MDGA2: variants seen among roughly 807,000 people sequenced by gnomAD.
MDGA2 encodes the protein MAM domain-containing glycosylphosphatidylinositol anchor protein 2.
In MDGA2, 40 loss-of-function variants were observed where a neutral mutation model predicts 117.8. The observed-to-expected ratio is 0.34, with a 90% CI of 0.26 to 0.44. The LOEUF (loss-of-function observed/expected upper bound fraction) is 0.44, where lower values mean the gene tolerates loss of function less well. Among genes scored for constraint, MDGA2 ranks in the 20% least tolerant of loss-of-function variants. The pLI is 1.00. For missense variants in MDGA2, 1,123 were observed against 1,250.6 expected (o/e 0.90, Z 1.54); for synonymous variants, 452 against 439.0 (o/e 1.03, Z -0.37).
At chr14:46,988,763 T>G (rs1246778382) in intron 8 of MDGA2, among the ~76,000 whole-genome samples, 1 of 152,082 alleles carries the variant, frequency 6.6e-6, no homozygotes, top group African/African-American at 2.4e-5. Flanking sequence ...AAATTTGTGT[T>G]CTATAATGAT....
At chr14:47,001,846 T>C (rs1400252728) in intron 8 of MDGA2, among the ~76,000 whole-genome samples, 2 of 152,000 alleles carry the variant, frequency 1.3e-5, no homozygotes, top group Non-Finnish European at 2.9e-5. Context: ...GTAGCAGCAG[T>C]GGTGGTATAT....
intron 9 of MDGA2, among the ~76,000 whole-genome samples, chr14:46,944,317 G>A (rs945533090): frequency 5.3e-5 from 8 of 151,778 alleles, no homozygotes; most frequent in African/African-American, 1.9e-4. Context: ...AAGCTGTATT[G>A]TTTCTAATGA....
At chr14:46,873,384 T>C in intron 14 of MDGA2, 49 bp downstream of exon 14, 1 of 1,503,550 alleles carries the variant, frequency 6.7e-7, no homozygotes, top group South Asian at 1.4e-5. Flanking sequence ...ACCTTTTTCT[T>C]CTTAGTTATC....
intron 1 of MDGA2, among the ~76,000 whole-genome samples, chr14:47,323,974 G>A (rs935667774): frequency 3.3e-5 from 5 of 152,110 alleles, no homozygotes; most frequent in African/African-American, 7.2e-5. Flanking sequence ...GGCCAGGCGT[G>A]GTGGCTCACG....
At chr14:47,284,595 C>T (rs1474271800) in intron 2 of MDGA2, among the ~76,000 whole-genome samples, 1 of 152,122 alleles carries the variant, frequency 6.6e-6, no homozygotes, top group Non-Finnish European at 1.5e-5. Flanking sequence ...ATTTCTCAAA[C>T]ATAATGAGAA....
Position 47,343,291 on chromosome 14 carries a change from A to G in MDGA2, c.281-41741T>C, listed in dbSNP as rs1755989492. 7 of 1,123,326 alleles carry G rather than the reference A, an allele frequency of 6.2e-6. No homozygotes were observed. In the South Asian group the frequency reaches 1.4e-4, roughly 22 times the overall value. 69.6% of individuals were successfully genotyped at this position (1,123,326 alleles called of 1,614,324 possible). ...TTACATCAGGAAGGCAATGTTAACT[A>G]AGTTCTAAGTAGTAATGAGACGCTG... On this transcript the variant is annotated intron_variant, in intron 1 of 16. Transcript: ENST00000399232.
In MDGA2 at chr14:47,061,182, T is replaced by A. The variant is rs556400647; in HGVS notation, c.1525+67A>T. 1.8e-4 allele frequency: 252 copies of A among 1,406,542 alleles called. 3 individuals carry two copies. In the South Asian group the frequency reaches 2.5e-3, roughly 14 times the overall value. The allele number at this position is 1,406,542 out of a possible 1,614,324, so 87.1% of individuals were successfully genotyped here. On this transcript the variant is annotated intron_variant, in intron 7 of 16. Coordinates refer to ENST00000399232, the MANE Select transcript of MDGA2 (RefSeq NM_001113498.3). ...AAAAATATTTTTAACTAAAACCTACTTGATCTGTTAAACTTCAATCATTCT... is the reference window on the plus strand; with the variant it reads ...AAAAATATTTTTAACTAAAACCTACATGATCTGTTAAACTTCAATCATTCT...
chr14:46,949,570 C>T (rs1470286237), intron 9 of MDGA2, among the ~76,000 whole-genome samples: 1 of 151,568 alleles, frequency 6.6e-6, no homozygotes, highest in Non-Finnish European at 1.5e-5. Flanking sequence ...CATGTGTATC[C>T]ATTGTTTAGG....
intron 1 of MDGA2, among the ~76,000 whole-genome samples, chr14:47,326,187 G>A (rs546297682): frequency 6.6e-6 from 1 of 152,212 alleles, no homozygotes; most frequent in African/African-American, 2.4e-5. Flanking sequence ...ATATCTGCAA[G>A]TCATTTAGAC....
chr14:47,375,053 C>T (rs921383796), intron 1 of MDGA2, among the ~76,000 whole-genome samples: 1 of 151,642 alleles, frequency 6.6e-6, no homozygotes, highest in Non-Finnish European at 1.5e-5. Context: ...TAAGCATTTA[C>T]TTGGTTACTT....
chr14:47,465,089 A>G (rs575983739), intron 1 of MDGA2, among the ~76,000 whole-genome samples: 1 of 152,238 alleles, frequency 6.6e-6, no homozygotes, highest in African/African-American at 2.4e-5. Context: ...CTGACAGAAA[A>G]AAGTGGAGAA....
Position 47,574,410 on chromosome 14 carries a change from C to T in MDGA2, c.280+100107G>A, listed in dbSNP as rs76752524. ...GCAACGGAACTTTCATATGCTTTGT[C>T]CCTGGCTTCCCTTATATTCAGCCAC... On this transcript the variant is annotated intron_variant, in intron 1 of 16. Transcript: ENST00000399232. 5.2e-3 allele frequency among the ~76,000 whole-genome samples: 789 copies of T among 152,266 alleles called. 8 individuals carry two copies. Among genetic ancestry groups the T allele is most frequent in the African/African-American group, 0.018 (734 of 41,560 alleles).
chr14:47,171,978 T>G (rs1884163748), intron 3 of MDGA2, among the ~76,000 whole-genome samples: 1 of 152,046 alleles, frequency 6.6e-6, no homozygotes, highest in Non-Finnish European at 1.5e-5. Context: ...TAAAAAACGG[T>G]GCACCAGGAG....
chr14:47,301,350 CTT>C, intron 2 of MDGA2, 59 bp downstream of exon 2: 1 of 1,527,800 alleles, frequency 6.5e-7, no homozygotes, highest in East Asian at 2.5e-5. Context: ...AAAATATACA[CTT>C]TTTGACTTCT....
At chr14:47,208,517 C>A (rs941769948) in intron 3 of MDGA2, among the ~76,000 whole-genome samples, 2 of 138,886 alleles carry the variant, frequency 1.4e-5, no homozygotes, top group African/African-American at 5.5e-5. Flanking sequence ...AAATTATATT[C>A]CTTCTCTAAA....
At chr14:47,451,987 C>T (rs1052543341) in intron 1 of MDGA2, among the ~76,000 whole-genome samples, 1 of 151,862 alleles carries the variant, frequency 6.6e-6, no homozygotes, top group Non-Finnish European at 1.5e-5. Context: ...TTGAGGGATG[C>T]CATTATGGAA....
Position 46,841,874 on chromosome 14 carries a change from G to T in MDGA2, c.*57C>A. ...TGTTTGTTCAATGTCCATTTACAAA[G>T]ACTCTTTCTTCATGCCAGTGCCTGG... On this transcript the variant is annotated 3_prime_UTR_variant, in exon 17 of 17. Transcript: ENST00000399232. 8.7e-7 allele frequency: 1 copy of T among 1,149,672 alleles called. No individual in the cohort carries two copies. Among genetic ancestry groups the T allele is most frequent in the Non-Finnish European group, 1.3e-6 (1 of 784,556 alleles). 71.2% of individuals were successfully genotyped at this position (1,149,672 alleles called of 1,614,324 possible).
At chr14:47,581,373 G>A (rs1846059612) in intron 1 of MDGA2, among the ~76,000 whole-genome samples, 1 of 151,978 alleles carries the variant, frequency 6.6e-6, no homozygotes, top group South Asian at 2.1e-4. Context: ...TTGATTATTT[G>A]AGGATATAAG....
intron 1 of MDGA2, among the ~76,000 whole-genome samples, chr14:47,618,309 A>G (rs1212810053): frequency 1.3e-5 from 2 of 152,228 alleles, no homozygotes; most frequent in Non-Finnish European, 2.9e-5. Context: ...AGAATGAAAG[A>G]TAAGTGAATT....
Sources: gnomAD v4.1 joint callset for allele counts (sites outside exome capture counted in the v4.1 genomes callset) on GRCh38, gnomAD v4.1.1 for gene constraint, MANE v1.5 for transcripts, NCBI Gene and HGNC (gene_info 2026-07-23, HGNC 2026-07-21) for gene names.